CADPS2: variants seen among roughly 807,000 people sequenced by gnomAD.
CADPS2 encodes the protein calcium dependent secretion activator 2.
In CADPS2, 93 loss-of-function variants were observed where a neutral mutation model predicts 172.5. The observed-to-expected ratio is 0.54, with a 90% confidence interval of 0.46 to 0.64. CADPS2 has a LOEUF of 0.64. Among genes scored for constraint, CADPS2 ranks in the 30% least tolerant of loss-of-function variants. The pLI, the probability that CADPS2 is intolerant of heterozygous loss-of-function variation, is 0.00. For synonymous variants in CADPS2, 546 were observed against 555.2 expected, an observed-to-expected ratio of 0.98 and a Z score of 0.23; for missense variants, 1,420 against 1,565.9, an observed-to-expected ratio of 0.91 and a Z score of 1.57.
At chr7:122,366,093 CTGTTT>C (rs1257022166) in intron 25 of CADPS2, among the ~76,000 whole-genome samples, 3 of 150,298 alleles carry the variant, frequency 2.0e-5, no homozygotes, top group Non-Finnish European at 4.4e-5. Context: ...GATGGGATAG[CTGTTT>C]TGTTTTTTTT....
In CADPS2 at chr7:122,471,517, C is replaced by A; in HGVS notation, c.2044G>T (p.Ala682Ser). The A allele has an allele frequency of 1.9e-6, 3 of 1,610,252 alleles. No individual in the cohort carries two copies. The highest frequency in any genetic ancestry group is 2.5e-6 in the Non-Finnish European group (3 of 1,178,134). ...GQVFVLDEYCARYGVRGCHRH... is the reference protein window; with the variant it reads ...GQVFVLDEYCSRYGVRGCHRH... ...TGACAGCCTCTCACACCATAACGGG[C>A]ACAGTACTCATCTAACACAAAGACT... The change falls in exon 14 of 30, where the codon GCC (alanine) becomes TCC (serine). Residue 682 changes from alanine to serine, a missense_variant. Coordinates refer to ENST00000449022, the MANE Select transcript of CADPS2 (RefSeq NM_017954.11).
At chr7:122,782,178 C>A (rs1231019480) in intron 1 of CADPS2, among the ~76,000 whole-genome samples, 1 of 152,102 alleles carries the variant, frequency 6.6e-6, no homozygotes, top group Non-Finnish European at 1.5e-5. Context: ...GCAACCTTAG[C>A]AAATTTCCAT....
chr7:122,722,777 C>A (rs1193434105), intron 2 of CADPS2, among the ~76,000 whole-genome samples: 2 of 150,384 alleles, frequency 1.3e-5, no homozygotes, highest in East Asian at 2.0e-4. Context: ...TGACTTCAAA[C>A]TATACTACAA....
chr7:122,861,282 T>C (rs1816884062), intron 1 of CADPS2, among the ~76,000 whole-genome samples: 1 of 152,220 alleles, frequency 6.6e-6, no homozygotes, highest in South Asian at 2.1e-4. Flanking sequence ...TTTGTCTATT[T>C]GATAATAGCC....
chr7:122,850,010 GA>G (rs1813097076), intron 1 of CADPS2: 2 of 870,696 alleles, frequency 2.3e-6, no homozygotes, highest in East Asian at 3.3e-5. Flanking sequence ...CTAGGCTGGG[GA>G]AGGAACAGAA....
chr7:122,389,406 T>C (rs2044099537), intron 22 of CADPS2, among the ~76,000 whole-genome samples: 1 of 152,002 alleles, frequency 6.6e-6, no homozygotes, highest in African/African-American at 2.4e-5. Flanking sequence ...TTCAGGTCCT[T>C]ATATCTAACT....
intron 2 of CADPS2, chr7:122,698,967 T>G: frequency 7.8e-7 from 1 of 1,277,416 alleles, no homozygotes; most frequent in East Asian, 2.4e-5. Flanking sequence ...GTTGCACATC[T>G]GTTGACAATT....
chr7:122,771,012 G>A (rs1427894888), intron 1 of CADPS2, among the ~76,000 whole-genome samples: 1 of 152,182 alleles, frequency 6.6e-6, no homozygotes, highest in African/African-American at 2.4e-5. Context: ...TGTGGACAGG[G>A]CAAGTTTTAT....
intron 25 of CADPS2, among the ~76,000 whole-genome samples, chr7:122,364,413 T>TA (rs916412439): frequency 0.041 from 3,172 of 77,856 alleles, 126 homozygotes; most frequent in African/African-American, 0.088. Context: ...TGTCTCAAGT[T>TA]AAAAAAAAAA....
chr7:122,473,527 A>T (rs2056248048), intron 13 of CADPS2, among the ~76,000 whole-genome samples: 1 of 152,206 alleles, frequency 6.6e-6, no homozygotes, highest in Non-Finnish European at 1.5e-5. Context: ...ATCTGAAGAA[A>T]ATTCAATATT....
chr7:122,340,988 T>G (rs2036692987), intron 28 of CADPS2, among the ~76,000 whole-genome samples: 1 of 152,202 alleles, frequency 6.6e-6, no homozygotes, highest in Non-Finnish European at 1.5e-5. Context: ...ACAAGTCACT[T>G]TTTTAAAATT....
At chr7:122,374,679 A>C (rs6975604) in intron 25 of CADPS2, among the ~76,000 whole-genome samples, 113,657 of 151,934 alleles carry the variant, frequency 0.75, 43,185 homozygotes, top group African/African-American at 0.88. Context: ...TGAACGAGAA[A>C]ACATGGACAC....
At chr7:122,356,742 C>T (rs1229373020) in intron 27 of CADPS2, among the ~76,000 whole-genome samples, 4 of 152,130 alleles carry the variant, frequency 2.6e-5, no homozygotes, top group African/African-American at 9.7e-5. Flanking sequence ...CATATTTGCT[C>T]GCTCAAATTA....
At chr7:122,449,510 T>TG (rs2052766296) in intron 15 of CADPS2, among the ~76,000 whole-genome samples, 1 of 152,000 alleles carries the variant, frequency 6.6e-6, no homozygotes, top group South Asian at 2.1e-4. Flanking sequence ...TTTGTAGAGA[T>TG]GGGGTCTCGC....
intron 1 of CADPS2, among the ~76,000 whole-genome samples, chr7:122,858,129 GAGTGCCGATTGGTCCATTTTACAT>G (rs534385513): frequency 3.3e-5 from 5 of 152,102 alleles, no homozygotes; most frequent in Admixed American, 6.6e-5. Context: ...CCATTTTACA[GAGTGCCGATTGGTCCATTTTACAT>G]AGTGCCAATT....
intron 25 of CADPS2, among the ~76,000 whole-genome samples, chr7:122,363,399 T>G (rs1015495848): frequency 6.6e-6 from 1 of 151,750 alleles, no homozygotes; most frequent in Non-Finnish European, 1.5e-5. Context: ...TACACACATG[T>G]GTGTTGCTGA....
At chr7:122,632,043 A>C (rs556370806) in intron 3 of CADPS2, among the ~76,000 whole-genome samples, 42 of 152,276 alleles carry the variant, frequency 2.8e-4, no homozygotes, top group South Asian at 4.1e-4. Context: ...AGGGTTGTGT[A>C]ATAATCCATG....
chr7:122,517,181 T>C (rs1398483955), intron 8 of CADPS2, among the ~76,000 whole-genome samples: 1 of 152,170 alleles, frequency 6.6e-6, no homozygotes, highest in Non-Finnish European at 1.5e-5. Context: ...TTTCATTGAG[T>C]AGAATGCTTT....
intron 2 of CADPS2, among the ~76,000 whole-genome samples, chr7:122,735,287 T>A (rs1255948412): frequency 1.3e-5 from 2 of 152,112 alleles, no homozygotes; most frequent in Admixed American, 6.6e-5. Context: ...TGGGATTGCA[T>A]ACAACACCAT....
Sources: gnomAD v4.1 joint callset for allele counts (sites outside exome capture counted in the v4.1 genomes callset) on GRCh38, gnomAD v4.1.1 for gene constraint, MANE v1.5 for transcripts, NCBI Gene and HGNC (gene_info 2026-07-23, HGNC 2026-07-21) for gene names.